MTMR9: variants seen among roughly 807,000 people sequenced by gnomAD.
MTMR9 encodes myotubularin-related protein 9.
In MTMR9, 39 loss-of-function variants were observed where a neutral mutation model predicts 69.5. The observed-to-expected ratio is 0.56, with a 90% CI of 0.43 to 0.73. The LOEUF (loss-of-function observed/expected upper bound fraction) is 0.73, where lower values mean the gene tolerates loss of function less well. Ranked by LOEUF, MTMR9 falls within the 30% of genes least tolerant of loss-of-function variation. The probability of loss-of-function intolerance (pLI) is 0.00; values close to 1 mark genes in which losing one functional copy is unlikely to be tolerated. For synonymous variants in MTMR9, 354 were observed against 240.8 expected (o/e 1.47, Z -4.35); for missense variants, 900 against 671.2 (o/e 1.34, Z -3.77).
chr8:11,312,136 C>T (rs1800225858), intron 6 of MTMR9, among the ~76,000 whole-genome samples: 1 of 152,044 alleles, frequency 6.6e-6, no homozygotes, highest in Non-Finnish European at 1.5e-5. Context: ...CCTAGAACTC[C>T]TGGGCTCAAA....
chr8:11,302,277 G>GA (rs1799773672), intron 3 of MTMR9, among the ~76,000 whole-genome samples: 1 of 88,448 alleles, frequency 1.1e-5, no homozygotes, highest in Non-Finnish European at 2.1e-5. Context: ...AAAAAAAAGA[G>GA]GAAGACAAAA....
chr8:11,313,426 C>G (rs191068595), intron 6 of MTMR9, among the ~76,000 whole-genome samples: 2 of 152,332 alleles, frequency 1.3e-5, no homozygotes, highest in Non-Finnish European at 2.9e-5. Flanking sequence ...TAATTTCCAT[C>G]AGGAACTTCT....
Position 11,309,533 on chromosome 8 carries a change from C to G in MTMR9, c.816C>G (p.His272Gln), listed in dbSNP as rs758636349. 1.2e-6 allele frequency: 2 copies of G among 1,606,254 alleles called. No homozygotes were observed. The highest frequency in any genetic ancestry group is 1.7e-6 in the Non-Finnish European group (2 of 1,176,446). The change falls in exon 6 of 10, where the codon CAC (histidine) becomes CAG (glutamine). Residue 272 changes from histidine (H) to glutamine (Q), a missense_variant. Transcript: ENST00000221086. ...ACTTTCTTACTTTTAAAAGGTATCA[C>G]ATTCTTCAGGAGAGCTTAATCAAAC... Reference protein sequence around the residue: ...RRIHKSIERYHILQESLIKLV... With the variant: ...RRIHKSIERYQILQESLIKLV...
At chr8:11,303,008 G>C (rs971951213) in intron 3 of MTMR9, among the ~76,000 whole-genome samples, 2 of 151,640 alleles carry the variant, frequency 1.3e-5, no homozygotes, top group African/African-American at 2.4e-5. Context: ...TGGATAGAGA[G>C]ACTGAATATT....
intron 2 of MTMR9, among the ~76,000 whole-genome samples, chr8:11,296,131 G>A (rs2117374230): frequency 6.6e-6 from 1 of 152,060 alleles, no homozygotes; most frequent in South Asian, 2.1e-4. Context: ...ACATGTATTA[G>A]TACATTATTG....
intron 8 of MTMR9, chr8:11,317,485 A>G (rs1205320898): frequency 6.6e-6 from 1 of 152,148 alleles, no homozygotes; most frequent in Non-Finnish European, 1.5e-5. Flanking sequence ...CCACATGCGC[A>G]GCTCACAGTA....
intron 2 of MTMR9, chr8:11,297,945 A>G (rs1799617313): frequency 2.2e-6 from 1 of 456,100 alleles, no homozygotes; most frequent in African/African-American, 2.0e-5. Flanking sequence ...ACATCTGGAC[A>G]CGATTTGTGA....
At chr8:11,316,511 A>T in intron 7 of MTMR9, 162 bp from the exon 8 acceptor site, 1 of 460,082 alleles carries the variant, frequency 2.2e-6, no homozygotes. Flanking sequence ...GCCGCTATTT[A>T]TTTTATACCA....
chr8:11,329,632 C>T (rs1188760117), downstream of MTMR9, among the ~76,000 whole-genome samples: 1 of 152,242 alleles, frequency 6.6e-6, no homozygotes, highest in Non-Finnish European at 1.5e-5. Context: ...GTTGCCCAGG[C>T]TGGAGTGCAG....
downstream of MTMR9, chr8:11,331,061 G>GC (rs1801199573): frequency 6.4e-7 from 1 of 1,553,920 alleles, no homozygotes; most frequent in African/African-American, 1.4e-5. Context: ...GCTCTGAGGG[G>GC]CCCAGGCTCC....
intron 1 of MTMR9, among the ~76,000 whole-genome samples, chr8:11,285,696 CT>C: frequency 6.6e-6 from 1 of 152,138 alleles, no homozygotes; most frequent in South Asian, 2.1e-4. Flanking sequence ...CCTCTTTTTT[CT>C]TTTTGTACTC....
intron 8 of MTMR9, chr8:11,318,157 A>G (rs978804537): frequency 2.0e-5 from 3 of 152,238 alleles, no homozygotes; most frequent in Non-Finnish European, 4.4e-5. Flanking sequence ...CCTCAGGACT[A>G]GCTTTCAAGA....
chr8:11,307,208 A>T (rs1464947448), intron 5 of MTMR9, among the ~76,000 whole-genome samples: 1 of 152,078 alleles, frequency 6.6e-6, no homozygotes, highest in Non-Finnish European at 1.5e-5. Context: ...AGTAGCTGGG[A>T]CTACAGGTGC....
chr8:11,333,012 A>T (rs1256460424), downstream of MTMR9, among the ~76,000 whole-genome samples: 4 of 152,206 alleles, frequency 2.6e-5, no homozygotes, highest in Non-Finnish European at 5.9e-5. Context: ...TAGTGAATAG[A>T]CTTCAAGACT....
chr8:11,302,992 T>C (rs1275966755), intron 3 of MTMR9, among the ~76,000 whole-genome samples: 1 of 151,786 alleles, frequency 6.6e-6, no homozygotes, highest in East Asian at 1.9e-4. Flanking sequence ...AAAGACAATA[T>C]ACTCATGGAT....
intron 1 of MTMR9, among the ~76,000 whole-genome samples, chr8:11,290,789 A>G (rs1210592727): frequency 6.6e-6 from 1 of 150,622 alleles, no homozygotes; most frequent in Non-Finnish European, 1.5e-5. Flanking sequence ...CTCTTTTGTC[A>G]TCATCATATT....
rs77608597 is a variant in MTMR9 at position 11,308,427 on chromosome 8, A to C, written c.810-1100A>C. On this transcript the variant is annotated intron_variant, in intron 5 of 9. Transcript: ENST00000221086. ...TTTATGCCAGTGCCAAGCTGTTTTG[A>C]TTACTTTAGCTTTGTAGCATATTTT... Among the ~76,000 whole-genome samples, 704 of 152,184 alleles carry C rather than the reference A, an allele frequency of 4.6e-3. 6 individuals are homozygous for C. Among genetic ancestry groups the C allele is most frequent in the African/African-American group, 0.016 (660 of 41,518 alleles).
In MTMR9 at chr8:11,326,769, G is replaced by C. The variant is rs182586339; in HGVS notation, c.*3981G>C. On this transcript the variant is annotated 3_prime_UTR_variant, in exon 10 of 10. Coordinates refer to ENST00000221086, the MANE Select transcript of MTMR9 (RefSeq NM_015458.4). ...GCGGATCATGAGGTCAGGAGATCGA[G>C]ACCATCCTGGCTAACACGGTGAAAA... The C allele has an allele frequency of 6.6e-6, 1 of 152,302 alleles. No homozygotes were observed. Among genetic ancestry groups the C allele is most frequent in the Non-Finnish European group, 1.5e-5 (1 of 68,176 alleles). The allele number at this position is 152,302 out of a possible 1,614,324, so 9.4% of individuals were successfully genotyped here.
intron 5 of MTMR9, among the ~76,000 whole-genome samples, chr8:11,309,186 G>A (rs1234571586): frequency 6.6e-6 from 1 of 152,102 alleles, no homozygotes; most frequent in Admixed American, 6.5e-5. Flanking sequence ...TGTTAGATCG[G>A]TGGGAACAGG....
Sources: allele counts gnomAD v4.1 joint callset (sites outside exome capture counted in the v4.1 genomes callset), GRCh38; gene constraint gnomAD v4.1.1; transcripts MANE v1.5; gene names NCBI Gene and HGNC (gene_info 2026-07-23, HGNC 2026-07-21).